Variants in CDK15 observed in about 807,000 individuals in gnomAD.
CDK15 encodes cyclin-dependent kinase 15.
Under a neutral mutation model 60.3 loss-of-function variants are expected in CDK15, and 62 were observed. That is an observed-to-expected ratio of 1.03 (90% CI 0.84 to 1.27). The LOEUF is 1.27. Ranked by LOEUF, CDK15 falls within the 50% of genes most tolerant of loss-of-function variation. CDK15 has a pLI of 0.00. For missense variants in CDK15, 541 were observed against 527.8 expected, an observed-to-expected ratio of 1.03 and a Z score of -0.25; for synonymous variants, 194 against 195.7, an observed-to-expected ratio of 0.99 and a Z score of 0.07.
chr2:201,868,900 G>A (rs1418766169), intron 10 of CDK15, among the ~76,000 whole-genome samples: 1 of 152,228 alleles, frequency 6.6e-6, no homozygotes, highest in Non-Finnish European at 1.5e-5. Context: ...AGAGGATGTG[G>A]AGAAATAGGA....
chr2:201,881,366 T>C (rs1024325949), intron 12 of CDK15, among the ~76,000 whole-genome samples: 2 of 152,212 alleles, frequency 1.3e-5, no homozygotes, highest in African/African-American at 4.8e-5. Flanking sequence ...TTAGTATTTA[T>C]TAAATTGCCA....
intron 12 of CDK15, among the ~76,000 whole-genome samples, chr2:201,890,056 G>GAAAAAAAAAAAAAAAAAA (rs1163431033): frequency 1.0e-5 from 1 of 96,114 alleles, no homozygotes. Context: ...CTCAAAAAAA[G>GAAAAAAAAAAAAAAAAAA]AAAAAAAAAA....
intron 11 of CDK15, among the ~76,000 whole-genome samples, chr2:201,874,351 T>C (rs1309468962): frequency 6.6e-6 from 1 of 152,316 alleles, no homozygotes; most frequent in Middle Eastern, 3.4e-3. Context: ...TCTTGGCTCT[T>C]GGAAGGGCTC....
At chr2:201,841,961 G>A (rs1697406293) in intron 8 of CDK15, among the ~76,000 whole-genome samples, 1 of 152,068 alleles carries the variant, frequency 6.6e-6, no homozygotes, top group African/African-American at 2.4e-5. Flanking sequence ...TAAATGGTGT[G>A]GTTTTTAGTT....
At chr2:201,837,500 AAGGAAGGAAGGAAAG>A (rs1697181042) in intron 8 of CDK15, among the ~76,000 whole-genome samples, 1 of 146,366 alleles carries the variant, frequency 6.8e-6, no homozygotes, top group Admixed American at 6.8e-5. Flanking sequence ...GGAAGGAAGG[AAGGAAGGAAGGAAAG>A]AAGGAAAGAA....
In CDK15 at chr2:201,888,703, T is replaced by C. The variant is rs975095717; in HGVS notation, c.1199-2082T>C. ...AACCGGTTGCCTTCCCAGCATGTTC[T>C]GCCAGATAGTGTCTCTCTCTCTCTC... is the stretch of plus-strand genomic sequence containing the variant. On this transcript the variant is annotated intron_variant, in intron 12 of 13. Coordinates refer to ENST00000652192, the MANE Select transcript of CDK15 (RefSeq NM_001366386.2). 4 of 1,296,682 alleles carry C rather than the reference T, an allele frequency of 3.1e-6. No individual in the cohort carries two copies. The African/African-American group carries it at 6.1e-5, about 20-fold the overall frequency. The allele number at this position is 1,296,682 out of a possible 1,614,324, so 80.3% of individuals were successfully genotyped here.
chr2:201,871,796 C>A (rs1698859194), intron 10 of CDK15, among the ~76,000 whole-genome samples: 1 of 151,936 alleles, frequency 6.6e-6, no homozygotes, highest in South Asian at 2.1e-4. Context: ...AGAGTTGGTT[C>A]CGTGGGAGGG....
At chr2:201,842,422 A>G (rs1237535205) in intron 8 of CDK15, among the ~76,000 whole-genome samples, 1 of 152,172 alleles carries the variant, frequency 6.6e-6, no homozygotes, top group East Asian at 1.9e-4. Flanking sequence ...CTAACAGATC[A>G]TTTACTGTCA....
intron 9 of CDK15, among the ~76,000 whole-genome samples, chr2:201,854,536 C>T (rs1698058078): frequency 6.6e-6 from 1 of 152,158 alleles, no homozygotes; most frequent in African/African-American, 2.4e-5. Flanking sequence ...ATATCCCTAG[C>T]TCCCAACATG....
chr2:201,821,880 C>T (rs936570976), intron 4 of CDK15, among the ~76,000 whole-genome samples: 1 of 151,960 alleles, frequency 6.6e-6, no homozygotes, highest in African/African-American at 2.4e-5. Context: ...GGGGTTTCAC[C>T]GCGTTGGCCA....
At chr2:201,884,465 A>G (rs1311128538) in intron 12 of CDK15, among the ~76,000 whole-genome samples, 2 of 152,200 alleles carry the variant, frequency 1.3e-5, no homozygotes, top group Non-Finnish European at 2.9e-5. Context: ...CCCGATATCT[A>G]TACTCCGAAA....
intron 6 of CDK15, among the ~76,000 whole-genome samples, chr2:201,825,312 CAAAAAAAAA>C (rs200857853): frequency 1.1e-5 from 1 of 86,974 alleles, no homozygotes; most frequent in Admixed American, 1.3e-4. Context: ...GACTCCAACT[CAAAAAAAAA>C]AAAAAAAAAG....
chr2:201,862,071 A>C (rs935608685), intron 10 of CDK15, among the ~76,000 whole-genome samples: 1 of 152,006 alleles, frequency 6.6e-6, no homozygotes, highest in African/African-American at 2.4e-5. Context: ...CTAAGAGCTG[A>C]CTCTGAGTTT....
intron 3 of CDK15, among the ~76,000 whole-genome samples, chr2:201,810,937 C>T (rs934411710): frequency 6.6e-6 from 1 of 150,616 alleles, no homozygotes; most frequent in African/African-American, 2.5e-5. Flanking sequence ...CTCCGGCTCC[C>T]GGGTTCAAGC....
intron 8 of CDK15, among the ~76,000 whole-genome samples, chr2:201,844,208 C>T (rs1697535310): frequency 6.6e-6 from 1 of 152,068 alleles, no homozygotes; most frequent in African/African-American, 2.4e-5. Flanking sequence ...AGTAATAACC[C>T]AATTATGCAT....
rs750359315 is a variant in CDK15, at chr2:201,835,778, G to A, written c.851+15G>A. ...CTGGACATATGGTAAGAGTGGTGCC[G>A]AGAAAATGTGAGTCATCCTACTCAC... On this transcript the variant is annotated intron_variant, in intron 8 of 13. Transcript: ENST00000652192. The A allele has an allele frequency of 4.7e-6, 7 of 1,493,354 alleles. No homozygotes were observed. In the East Asian group the frequency reaches 7.1e-5, roughly 15 times the overall value. 92.5% of individuals were successfully genotyped at this position (1,493,354 alleles called of 1,614,324 possible).
chr2:201,807,566 C>T lies in CDK15; in HGVS notation c.196C>T (p.Gln66Ter). Residue 66 changes from glutamine to a stop codon, truncating the protein, a stop_gained, in exon 2 of 14, where the codon CAG becomes TAG. Transcript: ENST00000652192. LOFTEE classifies it high-confidence loss of function. ...CAGGGGACTTCAAGCTGCCCGTGCC[C>T]AGAAGTTCAAGAGTAAAAGGCCACG... Reference protein sequence around the residue: ...HPRGLQAARAQKFKSKRPRSN... With the variant: ...HPRGLQAARA 6.2e-7 allele frequency: 1 copy of T among 1,614,140 alleles called. No homozygotes were observed. Among genetic ancestry groups the T allele is most frequent in the Non-Finnish European group, 8.5e-7 (1 of 1,180,036 alleles).
At chr2:201,861,192 T>C (rs1698377820) in intron 10 of CDK15, 1 of 1,015,570 alleles carries the variant, frequency 9.8e-7, no homozygotes, top group Non-Finnish European at 1.2e-6. Flanking sequence ...AGTTCTGTAA[T>C]CTGCAAAATG....
chr2:201,839,631 A>G (rs1285235214), intron 8 of CDK15, among the ~76,000 whole-genome samples: 1 of 151,982 alleles, frequency 6.6e-6, no homozygotes, highest in Non-Finnish European at 1.5e-5. Context: ...CATGATATCT[A>G]CAATTTACTC....
Sources: allele counts gnomAD v4.1 joint callset (sites outside exome capture counted in the v4.1 genomes callset), GRCh38; gene constraint gnomAD v4.1.1; transcripts MANE v1.5; gene names NCBI Gene and HGNC (gene_info 2026-07-23, HGNC 2026-07-21).